ARHGAP42: variants seen among roughly 807,000 people sequenced by gnomAD.
The protein encoded by ARHGAP42 is rho GTPase-activating protein 42.
ARHGAP42 carries 63 observed loss-of-function variants against 125.0 expected under a neutral mutation model. The ratio of observed to expected loss-of-function variants is 0.50; its 90% CI spans 0.41 to 0.62. The LOEUF is 0.62. Ranked by LOEUF, ARHGAP42 falls within the 20% of genes least tolerant of loss-of-function variation. The probability of loss-of-function intolerance (pLI) is 0.00; values close to 1 mark genes in which losing one functional copy is unlikely to be tolerated. For missense variants in ARHGAP42, 766 were observed against 1,024.2 expected, an observed-to-expected ratio of 0.75 and a Z score of 3.44; for synonymous variants, 339 against 351.0, an observed-to-expected ratio of 0.97 and a Z score of 0.38.
At chr11:100,964,186 A>T (rs916394140) in intron 16 of ARHGAP42, among the ~76,000 whole-genome samples, 1 of 152,134 alleles carries the variant, frequency 6.6e-6, no homozygotes, top group African/African-American at 2.4e-5. Context: ...ATCCTAAGAG[A>T]TATTTCAGTG....
chr11:100,931,005 C>T (rs1431880959), intron 6 of ARHGAP42, among the ~76,000 whole-genome samples: 2 of 152,054 alleles, frequency 1.3e-5, no homozygotes, highest in Admixed American at 6.5e-5. Flanking sequence ...TAATGAGATA[C>T]CTTGGGAATT....
At chr11:100,838,917 G>T (rs1280751803) in intron 3 of ARHGAP42, among the ~76,000 whole-genome samples, 2 of 151,890 alleles carry the variant, frequency 1.3e-5, no homozygotes, top group South Asian at 2.1e-4. Flanking sequence ...ATTTAGCCTT[G>T]CACTAACTTC....
intron 2 of ARHGAP42, among the ~76,000 whole-genome samples, chr11:100,791,796 G>T (rs1417894956): frequency 6.6e-6 from 1 of 152,004 alleles, no homozygotes; most frequent in African/African-American, 2.4e-5. Context: ...AATTGCTTTT[G>T]CATGTTAAAA....
Position 100,973,185 on chromosome 11 carries a change from C to T in ARHGAP42, c.1561C>T (p.His521Tyr). The change falls in exon 18 of 24, where the codon CAC becomes TAC. Residue 521 changes from histidine to tyrosine, a missense_variant. His to Tyr is a moderately conservative substitution (Grantham distance 83). Transcript: ENST00000298815. The stretch of plus-strand genomic sequence containing the variant: ...GCTTTTTATTTGCAGAGTATCACTA[C>T]ACAGCCAACAAAATCTCATGACTGT... ...LIKHLVKVSL[H>Y]SQQNLMTVSN... 1 of 1,548,662 alleles carries T rather than the reference C, an allele frequency of 6.5e-7. No individual in the cohort carries two copies. Among genetic ancestry groups the T allele is most frequent in the Non-Finnish European group, 8.7e-7 (1 of 1,145,754 alleles).
At chr11:100,871,977 G>A (rs7932488) in intron 4 of ARHGAP42, among the ~76,000 whole-genome samples, 8,829 of 152,122 alleles carry the variant, frequency 0.058, 853 homozygotes, top group African/African-American at 0.2. Context: ...TCCTGACCTC[G>A]GGTGATCCGC....
intron 4 of ARHGAP42, among the ~76,000 whole-genome samples, chr11:100,885,464 C>A (rs560727552): frequency 6.6e-6 from 1 of 152,258 alleles, no homozygotes; most frequent in East Asian, 1.9e-4. Context: ...ATCATGGAAT[C>A]AGTTTAAATC....
At chr11:100,710,442 G>A (rs978609364) in intron 1 of ARHGAP42, among the ~76,000 whole-genome samples, 1 of 147,774 alleles carries the variant, frequency 6.8e-6, no homozygotes, top group African/African-American at 2.5e-5. Context: ...TCACCATGTT[G>A]GTCAGGCTGG....
intron 1 of ARHGAP42, among the ~76,000 whole-genome samples, chr11:100,761,514 CA>C (rs1406146479): frequency 6.6e-6 from 1 of 152,114 alleles, no homozygotes; most frequent in East Asian, 1.9e-4. Flanking sequence ...TGTGGTTTTT[CA>C]TTTTTAATTT....
At chr11:100,784,289 G>T (rs921003727) in intron 2 of ARHGAP42, among the ~76,000 whole-genome samples, 3 of 152,174 alleles carry the variant, frequency 2.0e-5, no homozygotes, top group African/African-American at 7.2e-5. Flanking sequence ...ATTATTTGCA[G>T]TTTGGAGTTT....
At chr11:100,960,628 C>T (rs1857929765) in intron 13 of ARHGAP42, among the ~76,000 whole-genome samples, 1 of 152,058 alleles carries the variant, frequency 6.6e-6, no homozygotes, top group African/African-American at 2.4e-5. Context: ...TGAGTAATAT[C>T]GATCATCCCT....
chr11:100,849,147 C>T (rs1418276805), intron 3 of ARHGAP42, among the ~76,000 whole-genome samples: 1 of 152,104 alleles, frequency 6.6e-6, no homozygotes, highest in Non-Finnish European at 1.5e-5. Context: ...ATGCTTTTCA[C>T]AGATAAGGAA....
At chr11:100,988,312 G>A (rs556514040) in intron 23 of ARHGAP42, among the ~76,000 whole-genome samples, 44 of 150,864 alleles carry the variant, frequency 2.9e-4, no homozygotes, top group Admixed American at 7.3e-4. Context: ...TGAGTTGAGT[G>A]TATAGTTGGA....
intron 10 of ARHGAP42, among the ~76,000 whole-genome samples, chr11:100,946,799 C>A (rs1868033074): frequency 6.6e-6 from 1 of 151,908 alleles, no homozygotes; most frequent in African/African-American, 2.4e-5. Flanking sequence ...GCAAGAATCA[C>A]CAAAATGTGA....
In ARHGAP42 at chr11:100,852,706, T is replaced by C. The variant is rs181823537; in HGVS notation, c.313-6848T>C. Among the ~76,000 whole-genome samples, 23 of 152,076 alleles carry C rather than the reference T, an allele frequency of 1.5e-4. 1 individual carries two copies. Among genetic ancestry groups the C allele is most frequent in the Admixed American group, 1.4e-3 (21 of 15,262 alleles). On this transcript the variant is annotated intron_variant, in intron 3 of 23. Coordinates refer to ENST00000298815, the MANE Select transcript of ARHGAP42 (RefSeq NM_152432.4). ...TTTGAGGTGGGAGAATGGGAGGAGG[T>C]GTATTTTCATGAACATGAGGATATT...
intron 1 of ARHGAP42, among the ~76,000 whole-genome samples, chr11:100,692,414 A>G (rs748114947): frequency 5.9e-5 from 9 of 152,224 alleles, no homozygotes. Context: ...AGTTAATCTA[A>G]TGGATGATGT....
At chr11:100,838,923 A>G (rs1003951248) in intron 3 of ARHGAP42, among the ~76,000 whole-genome samples, 1 of 152,052 alleles carries the variant, frequency 6.6e-6, no homozygotes, top group Admixed American at 6.6e-5. Context: ...CCTTGCACTA[A>G]CTTCCACCAT....
intron 2 of ARHGAP42, among the ~76,000 whole-genome samples, chr11:100,776,085 G>A (rs1863112450): frequency 6.6e-6 from 1 of 152,086 alleles, no homozygotes; most frequent in Non-Finnish European, 1.5e-5. Flanking sequence ...CTTGAACCTG[G>A]GAGGGGGTTG....
chr11:100,743,815 C>T (rs1265590186), intron 1 of ARHGAP42, among the ~76,000 whole-genome samples: 1 of 152,064 alleles, frequency 6.6e-6, no homozygotes, highest in East Asian at 1.9e-4. Flanking sequence ...GTCTTCTCTT[C>T]GAGCTCTTTC....
At chr11:100,885,882 A>G (rs1176510047) in intron 4 of ARHGAP42, among the ~76,000 whole-genome samples, 1 of 152,238 alleles carries the variant, frequency 6.6e-6, no homozygotes, top group African/African-American at 2.4e-5. Context: ...AATCCTCTTC[A>G]GATTTTCACA....
Sources: gnomAD v4.1 joint callset for allele counts (sites outside exome capture counted in the v4.1 genomes callset) on GRCh38, gnomAD v4.1.1 for gene constraint, MANE v1.5 for transcripts, NCBI Gene and HGNC (gene_info 2026-07-23, HGNC 2026-07-21) for gene names.